Variants in PRKCE observed in about 807,000 individuals in gnomAD.
PRKCE encodes protein kinase C epsilon type.
PRKCE carries 16 observed loss-of-function variants against 85.4 expected under a neutral mutation model. The ratio of observed to expected loss-of-function variants is 0.19; its 90% CI spans 0.13 to 0.28. The LOEUF is 0.28. Ranked by LOEUF, PRKCE falls within the 10% of genes least tolerant of loss-of-function variation. The probability of loss-of-function intolerance (pLI) is 1.00; values close to 1 mark genes in which losing one functional copy is unlikely to be tolerated. For missense variants in PRKCE, 573 were observed against 975.2 expected (o/e 0.59, Z 5.49); for synonymous variants, 388 against 371.5 (o/e 1.04, Z -0.51).
Position 46,145,919 on chromosome 2 carries a change from A to T in PRKCE, c.1731+688A>T, listed in dbSNP as rs1211280000. ...TCAGAATAAAGGAGCATCATTGATC[A>T]TGGGAGCACTTCACTTTATCAGCTA... On this transcript the variant is annotated intron_variant, in intron 12 of 14. Transcript: ENST00000306156. The surrounding 1 kb of genome is among the most constrained non-coding windows in gnomAD (Gnocchi z 4.6). Among the ~76,000 whole-genome samples, 8 of 152,312 alleles carry T rather than the reference A, an allele frequency of 5.3e-5. No homozygotes were observed. The East Asian group carries it at 1.4e-3, about 26-fold the overall frequency.
intron 11 of PRKCE, among the ~76,000 whole-genome samples, chr2:46,094,244 G>A (rs1321877497): frequency 6.6e-6 from 1 of 152,114 alleles, no homozygotes; most frequent in African/African-American, 2.4e-5. Flanking sequence ...CCACTATCCT[G>A]TGAAGCTCCT....
intron 1 of PRKCE, among the ~76,000 whole-genome samples, chr2:45,768,997 C>G (rs73926068): frequency 2.9e-4 from 44 of 152,358 alleles, no homozygotes; most frequent in African/African-American, 1.0e-3. Flanking sequence ...TCAAAACCTG[C>G]TTTCAAAGCT....
At chr2:46,149,716 TA>T (rs1676421432) in intron 12 of PRKCE, among the ~76,000 whole-genome samples, 1 of 12,644 alleles carries the variant, frequency 7.9e-5, no homozygotes, top group Admixed American at 2.6e-3. Flanking sequence ...TATGTATTTT[TA>T]TATATATGTA....
At chr2:45,933,212 A>G (rs1251515120) in intron 2 of PRKCE, among the ~76,000 whole-genome samples, 5 of 152,152 alleles carry the variant, frequency 3.3e-5, no homozygotes, top group Non-Finnish European at 7.3e-5. Flanking sequence ...CTTCATAGAT[A>G]TTGGATATGA....
At chr2:45,811,066 C>A (rs770255586) in intron 1 of PRKCE, among the ~76,000 whole-genome samples, 1 of 152,074 alleles carries the variant, frequency 6.6e-6, no homozygotes, top group Non-Finnish European at 1.5e-5. Context: ...TATCCTATGG[C>A]GAGATTTAGT....
chr2:45,684,150 C>T (rs1298895845), intron 1 of PRKCE, among the ~76,000 whole-genome samples: 1 of 152,182 alleles, frequency 6.6e-6, no homozygotes. Flanking sequence ...GTGATGGTGT[C>T]TCTCTACCTC....
At chr2:45,858,089 C>T (rs1692821839) in intron 2 of PRKCE, among the ~76,000 whole-genome samples, 1 of 152,118 alleles carries the variant, frequency 6.6e-6, no homozygotes, top group Admixed American at 6.5e-5. Flanking sequence ...GTTTGAGTCA[C>T]CAGGGTCATT....
intron 10 of PRKCE, among the ~76,000 whole-genome samples, chr2:46,021,501 C>T (rs932420164): frequency 1.3e-5 from 2 of 152,156 alleles, no homozygotes; most frequent in South Asian, 2.1e-4. Context: ...CCCTTTGCAT[C>T]TGCAAAGGCC....
At chr2:45,995,094 G>A (rs1174078072) in intron 6 of PRKCE, among the ~76,000 whole-genome samples, 1 of 152,076 alleles carries the variant, frequency 6.6e-6, no homozygotes, top group Non-Finnish European at 1.5e-5. Context: ...CTTCTTTGGC[G>A]AGGTGTATGC....
chr2:45,938,582 A>T (rs1428692857), intron 2 of PRKCE, among the ~76,000 whole-genome samples: 1 of 152,064 alleles, frequency 6.6e-6, no homozygotes, highest in Non-Finnish European at 1.5e-5. Context: ...CTATTTATTC[A>T]GTTAGCAAAC....
At chr2:45,744,513 T>C (rs1463260971) in intron 1 of PRKCE, among the ~76,000 whole-genome samples, 40 of 51,654 alleles carry the variant, frequency 7.7e-4, no homozygotes, top group Non-Finnish European at 1.4e-3. Context: ...TCTTTCTTTC[T>C]TTCTTTCTTT....
chr2:46,009,454 TA>T (rs1705476223), intron 9 of PRKCE, among the ~76,000 whole-genome samples: 1 of 152,206 alleles, frequency 6.6e-6, no homozygotes, highest in Non-Finnish European at 1.5e-5. Flanking sequence ...TCATTTTAAG[TA>T]AAAATAGCAT....
intron 1 of PRKCE, among the ~76,000 whole-genome samples, chr2:45,726,594 CAT>C (rs1447138203): frequency 6.6e-6 from 1 of 152,156 alleles, no homozygotes; most frequent in African/African-American, 2.4e-5. Flanking sequence ...ATAGTGTAAA[CAT>C]AAATTTACGT....
chr2:45,761,305 C>A lies in PRKCE; in HGVS notation c.349-81695C>A, dbSNP rs188320639. 3.4e-5 allele frequency among the ~76,000 whole-genome samples: 4 copies of A among 116,086 alleles called. No homozygotes were observed. The South Asian group carries it at 1.2e-3, about 34-fold the overall frequency. The allele number at this position is 116,086 out of a possible 152,430, so 76.2% of individuals were successfully genotyped here. A position where few individuals can be genotyped will look rare whatever the true frequency, so the allele number is the denominator to read the frequency against. On this transcript the variant is annotated intron_variant, in intron 1 of 14. Coordinates refer to ENST00000306156, the MANE Select transcript of PRKCE (RefSeq NM_005400.3). The stretch of plus-strand genomic sequence containing the variant: ...TCACACCACTGCACTCCAGCCTGGG[C>A]GACAGAGCGAGACTCCATCTCAAAA...
At chr2:45,798,639 A>G (rs1687620163) in intron 1 of PRKCE, among the ~76,000 whole-genome samples, 1 of 152,182 alleles carries the variant, frequency 6.6e-6, no homozygotes, top group Admixed American at 6.5e-5. Context: ...CAAGTTGCAT[A>G]TTTAATGGGA....
At chr2:45,861,390 T>C (rs1693149115) in intron 2 of PRKCE, among the ~76,000 whole-genome samples, 1 of 152,158 alleles carries the variant, frequency 6.6e-6, no homozygotes, top group Non-Finnish European at 1.5e-5. Flanking sequence ...TGGGGGTAAA[T>C]ATGCTATGTA....
At chr2:46,141,785 G>A (rs1675559490) in intron 11 of PRKCE, among the ~76,000 whole-genome samples, 2 of 151,812 alleles carry the variant, frequency 1.3e-5, no homozygotes, top group Admixed American at 1.3e-4. Context: ...CTAATATCTG[G>A]GCAGTTGTCC....
intron 1 of PRKCE, among the ~76,000 whole-genome samples, chr2:45,837,941 G>A (rs900045453): frequency 9.2e-5 from 14 of 152,190 alleles, no homozygotes; most frequent in South Asian, 2.1e-4. Context: ...AAATGAATGC[G>A]TATGAGGGGC....
chr2:46,075,110 G>A (rs187205180), intron 10 of PRKCE, among the ~76,000 whole-genome samples: 34 of 152,098 alleles, frequency 2.2e-4, no homozygotes, highest in African/African-American at 7.7e-4. Context: ...GCGTGATCTC[G>A]GCTCACTGCA....
Sources: gnomAD v4.1 joint callset for allele counts (sites outside exome capture counted in the v4.1 genomes callset) on GRCh38, gnomAD v4.1.1 for gene constraint, Gnocchi (gnomAD v3.1) non-coding constraint, MANE v1.5 for transcripts, NCBI Gene and HGNC (gene_info 2026-07-23, HGNC 2026-07-21) for gene names.